Variants in FGF10 observed in about 807,000 individuals in gnomAD.
FGF10 encodes the protein fibroblast growth factor 10, also known as FGF-10.
Under a neutral mutation model 19.8 loss-of-function variants are expected in FGF10, and 2 were observed. The observed-to-expected ratio is 0.10, with a 90% CI of 0.04 to 0.32. The LOEUF (loss-of-function observed/expected upper bound fraction) is 0.32. Ranked by LOEUF, FGF10 falls within the 10% of genes least tolerant of loss-of-function variation. FGF10 has a pLI of 1.00. For synonymous variants in FGF10, 112 were observed against 94.0 expected (o/e 1.19, Z -1.10); for missense variants, 191 against 246.3 (o/e 0.78, Z 1.50).
intron 1 of FGF10, among the ~76,000 whole-genome samples, chr5:44,321,890 T>C (rs1422267399): frequency 2.0e-5 from 3 of 152,114 alleles, no homozygotes; most frequent in Non-Finnish European, 4.4e-5. Flanking sequence ...GCCTCCCAAG[T>C]AGCTGAGATT....
At chr5:44,340,415 G>C (rs1476773605) in intron 1 of FGF10, among the ~76,000 whole-genome samples, 1 of 151,856 alleles carries the variant, frequency 6.6e-6, no homozygotes, top group African/African-American at 2.4e-5. Flanking sequence ...TTTTAAAAAA[G>C]ATACAGCACC....
intron 2 of FGF10, among the ~76,000 whole-genome samples, chr5:44,308,921 C>G (rs1030639419): frequency 6.6e-6 from 1 of 152,048 alleles, no homozygotes; most frequent in Non-Finnish European, 1.5e-5. Flanking sequence ...GCTGTGGGTC[C>G]CATTATTCTG....
chr5:44,307,766 C>T (rs923447542), intron 2 of FGF10, among the ~76,000 whole-genome samples: 1 of 152,112 alleles, frequency 6.6e-6, no homozygotes, highest in African/African-American at 2.4e-5. Flanking sequence ...TAGTTCTATT[C>T]CACTCTGAGC....
In FGF10 at chr5:44,388,700, C is replaced by T. The variant is rs770100359; in HGVS notation, c.-18G>A. ...TTCCACATTGTACTGAAACTCTCGGCACTGGAAATTGTCTCATCAGAAGGA... is the reference window on the plus strand; with the variant it reads ...TTCCACATTGTACTGAAACTCTCGGTACTGGAAATTGTCTCATCAGAAGGA... On this transcript the variant is annotated 5_prime_UTR_variant, in exon 1 of 3. Transcript: ENST00000264664. The T allele has an allele frequency of 1.9e-6, 3 of 1,613,452 alleles. No homozygotes were observed. Among genetic ancestry groups the T allele is most frequent in the Middle Eastern group, 1.7e-4 (1 of 6,058 alleles).
intron 1 of FGF10, among the ~76,000 whole-genome samples, chr5:44,378,493 A>G (rs1741914959): frequency 6.6e-6 from 1 of 152,180 alleles, no homozygotes; most frequent in East Asian, 1.9e-4. Flanking sequence ...GTGCTGTGGC[A>G]CAATCTCGGC....
chr5:44,310,321 C>G, intron 2 of FGF10, 106 bp downstream of exon 2: 1 of 755,300 alleles, frequency 1.3e-6, no homozygotes, highest in Non-Finnish European at 2.3e-6. Context: ...GCTCTATTTA[C>G]TAGCAATAGA....
At chr5:44,355,998 A>G (rs187949359) in intron 1 of FGF10, among the ~76,000 whole-genome samples, 5 of 151,442 alleles carry the variant, frequency 3.3e-5, no homozygotes, top group Admixed American at 1.3e-4. Flanking sequence ...TTAGGAAATA[A>G]ATGATGGGAA....
intron 1 of FGF10, among the ~76,000 whole-genome samples, chr5:44,329,427 G>A (rs1165911268): frequency 2.6e-5 from 4 of 151,888 alleles, no homozygotes; most frequent in Admixed American, 1.3e-4. Context: ...CTCCCGCCTC[G>A]GCACCCCAAA....
intron 1 of FGF10, among the ~76,000 whole-genome samples, chr5:44,340,946 T>G (rs532924304): frequency 6.6e-6 from 1 of 152,032 alleles, no homozygotes; most frequent in African/African-American, 2.4e-5. Context: ...GTATAAACCT[T>G]AGAAATTAAC....
intron 1 of FGF10, among the ~76,000 whole-genome samples, chr5:44,367,393 G>A (rs563078698): frequency 6.6e-6 from 1 of 152,040 alleles, no homozygotes; most frequent in Admixed American, 6.6e-5. Context: ...TAGCTATAAA[G>A]TTTAATTTGC....
intron 1 of FGF10, 24 bp from the exon 2 acceptor site, chr5:44,310,554 C>A: frequency 6.8e-7 from 1 of 1,480,092 alleles, no homozygotes; most frequent in Non-Finnish European, 9.4e-7. Context: ...TTTTAAAAGG[C>A]TAAATAAAGA....
In FGF10 at chr5:44,305,101, C is replaced by T. The variant is rs1200591041; in HGVS notation, c.521G>A (p.Arg174Lys). ...YASFNWQHNG[R>K]QMYVALNGKG... is the part of the protein sequence containing the mutation. Reference sequence around the variant, plus strand: ...TCCATTCAATGCCACATACATTTGCCTCCCATTATGCTGCCAGTTAAATGA... The same window carrying T: ...TCCATTCAATGCCACATACATTTGCTTCCCATTATGCTGCCAGTTAAATGA... The change falls in exon 3 of 3, where the codon AGG (arginine) becomes AAG (lysine). Residue 174 changes from arginine to lysine, a missense_variant. Coordinates refer to ENST00000264664, the MANE Select transcript of FGF10 (RefSeq NM_004465.2). The T allele has an allele frequency of 1.2e-6, 2 of 1,613,984 alleles. No individual in the cohort carries two copies. Among genetic ancestry groups the T allele is most frequent in the Non-Finnish European group, 1.7e-6 (2 of 1,179,892 alleles).
intron 1 of FGF10, among the ~76,000 whole-genome samples, chr5:44,345,122 A>G (rs1020523800): frequency 6.6e-6 from 1 of 151,890 alleles, no homozygotes; most frequent in African/African-American, 2.4e-5. Context: ...TAAAGCATCC[A>G]CACTAGCTTT....
At chr5:44,355,129 T>C (rs1741317838) in intron 1 of FGF10, among the ~76,000 whole-genome samples, 1 of 151,430 alleles carries the variant, frequency 6.6e-6, no homozygotes, top group African/African-American at 2.4e-5. Flanking sequence ...TACAAGAACA[T>C]TCATTTCACT....
intron 1 of FGF10, among the ~76,000 whole-genome samples, chr5:44,351,136 T>C (rs1380533435): frequency 3.3e-5 from 5 of 151,550 alleles, no homozygotes; most frequent in African/African-American, 1.2e-4. Context: ...TCTTATTCTC[T>C]TATCCTTTTT....
At chr5:44,341,494 TAA>T (rs11308668) in intron 1 of FGF10, among the ~76,000 whole-genome samples, 1 of 148,820 alleles carries the variant, frequency 6.7e-6, no homozygotes, top group African/African-American at 2.4e-5. Context: ...GCCTTGTTAT[TAA>T]AAAAAAAACA....
intron 1 of FGF10, among the ~76,000 whole-genome samples, chr5:44,322,411 T>G (rs897195504): frequency 6.6e-6 from 1 of 152,196 alleles, no homozygotes; most frequent in African/African-American, 2.4e-5. Flanking sequence ...AGCCAGGGCC[T>G]TCTTTCTCAC....
In FGF10 at chr5:44,314,211, GA is replaced by G. The variant is rs1740281513; in HGVS notation, c.326-3682del. 3.3e-5 allele frequency among the ~76,000 whole-genome samples: 5 copies of G among 152,198 alleles called. No individual in the cohort carries two copies. In the South Asian group the frequency reaches 1.0e-3, roughly 32 times the overall value. On this transcript the variant is annotated intron_variant, in intron 1 of 2. Coordinates refer to ENST00000264664, the MANE Select transcript of FGF10 (RefSeq NM_004465.2). The stretch of plus-strand genomic sequence containing the variant: ...CATAAGAGGTTTGATTTACCAACTG[GA>G]GTACAAGGAACAAGTCAGGAAGCTG...
chr5:44,312,526 A>C (rs1740237492), intron 1 of FGF10, among the ~76,000 whole-genome samples: 1 of 152,062 alleles, frequency 6.6e-6, no homozygotes, highest in African/African-American at 2.4e-5. Context: ...CATCAAGATA[A>C]TTTTCTTTAA....
Sources: gnomAD v4.1 joint callset for allele counts (sites outside exome capture counted in the v4.1 genomes callset) on GRCh38, gnomAD v4.1.1 for gene constraint, MANE v1.5 for transcripts, NCBI Gene and HGNC (gene_info 2026-07-23, HGNC 2026-07-21) for gene names.